ZFAND6: variants seen among roughly 807,000 people sequenced by gnomAD.
ZFAND6 encodes AN1-type zinc finger protein 6.
In ZFAND6, 12 loss-of-function variants were observed where a neutral mutation model predicts 24.5. That is an observed-to-expected ratio of 0.49 (90% CI 0.31 to 0.79). ZFAND6 has a LOEUF of 0.79. ZFAND6 is among the 30% of genes least tolerant of loss of function. The pLI is 0.04. For synonymous variants in ZFAND6, 92 were observed against 81.5 expected (o/e 1.13, Z -0.69); for missense variants, 207 against 245.9 (o/e 0.84, Z 1.06).
At chr15:80,134,420 G>C (rs987976571) in intron 6 of ZFAND6, among the ~76,000 whole-genome samples, 3 of 152,186 alleles carry the variant, frequency 2.0e-5, no homozygotes, top group African/African-American at 7.2e-5. Context: ...GTCAGGGGTC[G>C]TAAAGACCTT....
intron 2 of ZFAND6, among the ~76,000 whole-genome samples, chr15:80,110,361 C>G (rs2039545209): frequency 6.6e-6 from 1 of 151,902 alleles, no homozygotes; most frequent in Non-Finnish European, 1.5e-5. Flanking sequence ...CTAGGAATAT[C>G]CAAAAGATAT....
intron 1 of ZFAND6, among the ~76,000 whole-genome samples, chr15:80,081,353 G>A (rs936568232): frequency 3.3e-5 from 5 of 152,086 alleles, no homozygotes; most frequent in Admixed American, 3.3e-4. Flanking sequence ...ATAAAAGTAG[G>A]GGATATGAGT....
chr15:80,136,476 G>A (rs542042676), intron 6 of ZFAND6, among the ~76,000 whole-genome samples: 2 of 151,960 alleles, frequency 1.3e-5, no homozygotes, highest in African/African-American at 2.4e-5. Context: ...AAAAAAAAAG[G>A]AAAAAAGATA....
intron 1 of ZFAND6, among the ~76,000 whole-genome samples, chr15:80,084,718 T>C (rs1199920413): frequency 6.6e-6 from 1 of 152,218 alleles, no homozygotes; most frequent in Non-Finnish European, 1.5e-5. Flanking sequence ...GGATTTTCTC[T>C]TCAAGTCATT....
At chr15:80,104,620 C>T (rs1333947936) in intron 2 of ZFAND6, among the ~76,000 whole-genome samples, 1 of 152,166 alleles carries the variant, frequency 6.6e-6, no homozygotes, top group Non-Finnish European at 1.5e-5. Flanking sequence ...TTGTGTTTTA[C>T]TTGTTGTAAA....
At chr15:80,105,366 A>C (rs1369300949) in intron 2 of ZFAND6, among the ~76,000 whole-genome samples, 1 of 152,194 alleles carries the variant, frequency 6.6e-6, no homozygotes, top group Non-Finnish European at 1.5e-5. Flanking sequence ...CTCTGTGGCA[A>C]GGAGAACTTT....
intron 2 of ZFAND6, among the ~76,000 whole-genome samples, chr15:80,103,488 G>A (rs1047252242): frequency 2.0e-5 from 3 of 152,016 alleles, no homozygotes; most frequent in Non-Finnish European, 2.9e-5. Context: ...TGTAACTAGC[G>A]GCCTAGATAT....
chr15:80,082,543 AGTT>A (rs2037738329), intron 1 of ZFAND6, among the ~76,000 whole-genome samples: 2 of 152,196 alleles, frequency 1.3e-5, no homozygotes, highest in African/African-American at 4.8e-5. Context: ...GGAGACTACC[AGTT>A]GTTGTTTTTG....
rs1272474646 is a variant in ZFAND6, at chr15:80,133,764, T to C, written c.478+2471T>C. Among the ~76,000 whole-genome samples, 7 of 152,180 alleles carry C rather than the reference T, an allele frequency of 4.6e-5. No individual in the cohort carries two copies. The East Asian group carries it at 1.3e-3, about 29-fold the overall frequency. On this transcript the variant is annotated intron_variant, in intron 6 of 6. Coordinates refer to ENST00000261749, the MANE Select transcript of ZFAND6 (RefSeq NM_019006.4). ...GAGGAGATCGTCTAACTTTACTGTT[T>C]TGCGCAAATGCAGTTGGGTTTATGA...
intron 1 of ZFAND6, among the ~76,000 whole-genome samples, chr15:80,084,777 C>T (rs1179166214): frequency 6.6e-6 from 1 of 152,198 alleles, no homozygotes; most frequent in African/African-American, 2.4e-5. Flanking sequence ...GTATTAGACT[C>T]TGAGGATACA....
At chr15:80,107,261 A>G (rs1279294806) in intron 2 of ZFAND6, among the ~76,000 whole-genome samples, 1 of 152,210 alleles carries the variant, frequency 6.6e-6, no homozygotes, top group Admixed American at 6.5e-5. Context: ...CATCAGGAAT[A>G]CTCAGCAAGT....
At chr15:80,063,540 C>T (rs948676824) in intron 1 of ZFAND6, among the ~76,000 whole-genome samples, 18 of 151,442 alleles carry the variant, frequency 1.2e-4, no homozygotes, top group African/African-American at 4.1e-4. Flanking sequence ...TACAGACATG[C>T]ACCACCACGC....
chr15:80,064,677 A>G (rs534645469), intron 1 of ZFAND6, among the ~76,000 whole-genome samples: 42 of 152,050 alleles, frequency 2.8e-4, no homozygotes, highest in African/African-American at 8.2e-4. Context: ...GTCTTGCTCT[A>G]TCACCCAGGA....
At chr15:80,071,392 G>A (rs2036970221) in intron 1 of ZFAND6, among the ~76,000 whole-genome samples, 1 of 152,082 alleles carries the variant, frequency 6.6e-6, no homozygotes, top group Non-Finnish European at 1.5e-5. Context: ...AGGATTTTTG[G>A]TAGAGGTAAA....
rs144418900 is a variant in ZFAND6, at chr15:80,082,713, G to C, written c.-180-15703G>C. ...ATTCTTATTTTAGTGAGTGTCAAAG[G>C]ATGGAAACTGGTAAGAGTTCCAGAT... On this transcript the variant is annotated intron_variant, in intron 1 of 6. Coordinates refer to ENST00000261749, the MANE Select transcript of ZFAND6 (RefSeq NM_019006.4). 6.0e-3 allele frequency among the ~76,000 whole-genome samples: 917 copies of C among 152,280 alleles called. 7 individuals carry two copies. Among genetic ancestry groups the C allele is most frequent in the African/African-American group, 0.02 (848 of 41,552 alleles).
At chr15:80,130,014 T>A (rs1376954164) in intron 5 of ZFAND6, 1 of 152,182 alleles carries the variant, frequency 6.6e-6, no homozygotes. Flanking sequence ...GAAAGAAGGA[T>A]GAAGAAAATC....
chr15:80,130,428 T>A (rs1298696288), intron 5 of ZFAND6: 1 of 152,132 alleles, frequency 6.6e-6, no homozygotes, highest in Non-Finnish European at 1.5e-5. Context: ...AAGAATTTGA[T>A]CCATGGGAAA....
chr15:80,082,088 A>G (rs2037704694), intron 1 of ZFAND6, among the ~76,000 whole-genome samples: 1 of 152,194 alleles, frequency 6.6e-6, no homozygotes, highest in African/African-American at 2.4e-5. Context: ...CTGGTTTAGC[A>G]GGTGCCATTT....
chr15:80,106,992 C>T (rs1385393346), intron 2 of ZFAND6, among the ~76,000 whole-genome samples: 1 of 152,154 alleles, frequency 6.6e-6, no homozygotes, highest in Non-Finnish European at 1.5e-5. Context: ...GTGGGTGGAT[C>T]ACCTGAGGTC....
Sources: allele counts gnomAD v4.1 joint callset (sites outside exome capture counted in the v4.1 genomes callset), GRCh38; gene constraint gnomAD v4.1.1; transcripts MANE v1.5; gene names NCBI Gene and HGNC (gene_info 2026-07-23, HGNC 2026-07-21).